The following NTRK3 variants were observed in gnomAD, a reference collection of about 807,000 sequenced individuals.
The protein encoded by NTRK3 is neurotrophic receptor tyrosine kinase 3.
NTRK3 carries 24 observed loss-of-function variants against 91.7 expected under a neutral mutation model. That is an observed-to-expected ratio of 0.26 (90% CI 0.19 to 0.37). The LOEUF is 0.37. NTRK3 is among the 10% of genes least tolerant of loss of function. NTRK3 has a pLI of 1.00. For synonymous variants in NTRK3, 483 were observed against 404.0 expected (o/e 1.20, Z -2.34); for missense variants, 880 against 1,068.9 (o/e 0.82, Z 2.46).
intron 13 of NTRK3, among the ~76,000 whole-genome samples, chr15:88,112,533 C>T (rs1360985897): frequency 1.2e-5 from 1 of 85,586 alleles, no homozygotes; most frequent in Non-Finnish European, 2.3e-5. Context: ...CTGCCTGCCA[C>T]TGCCAGTCTC....
At chr15:87,875,596 C>T (rs559545013) in exon 19 of NTRK3, 139 of 232,556 alleles carry the variant, frequency 6.0e-4, no homozygotes, top group Admixed American at 2.1e-3. Context: ...TCAGCCCCTG[C>T]GTTTTCACAA....
At chr15:88,160,654 G>C (rs1597680337) in intron 5 of NTRK3, among the ~76,000 whole-genome samples, 1 of 152,300 alleles carries the variant, frequency 6.6e-6, no homozygotes, top group East Asian at 1.9e-4. Context: ...CCCTAGGGGT[G>C]TCCAGAAGAC....
At chr15:88,148,130 G>A (rs2043049926) in intron 5 of NTRK3, among the ~76,000 whole-genome samples, 4 of 152,164 alleles carry the variant, frequency 2.6e-5, no homozygotes, top group Admixed American at 2.0e-4. Flanking sequence ...GGGAACAAAT[G>A]GCAGTGCTGA....
chr15:87,863,441 C>G (rs1386805110), exon 19 of NTRK3: 1 of 222,492 alleles, frequency 4.5e-6, no homozygotes, highest in Non-Finnish European at 9.0e-6. Context: ...ATGCGAGAAG[C>G]AAGAAATCCC....
intron 14 of NTRK3, among the ~76,000 whole-genome samples, chr15:87,998,709 C>A (rs901635433): frequency 6.6e-6 from 1 of 152,132 alleles, no homozygotes; most frequent in East Asian, 1.9e-4. Flanking sequence ...ACTTCAATAG[C>A]CATTATGCCA....
chr15:88,111,034 G>A (rs1451028958), intron 13 of NTRK3, among the ~76,000 whole-genome samples: 3 of 152,190 alleles, frequency 2.0e-5, no homozygotes, highest in African/African-American at 7.2e-5. Flanking sequence ...GTAAAGAGAT[G>A]GGGACTGGGC....
At chr15:88,165,467 T>G (rs2044845788) in intron 5 of NTRK3, among the ~76,000 whole-genome samples, 1 of 152,196 alleles carries the variant, frequency 6.6e-6, no homozygotes, top group African/African-American at 2.4e-5. Context: ...AAATAATTAA[T>G]TAACTTGCTA....
chr15:87,972,595 C>G (rs1392771339), intron 14 of NTRK3, among the ~76,000 whole-genome samples: 1 of 152,174 alleles, frequency 6.6e-6, no homozygotes, highest in Non-Finnish European at 1.5e-5. Context: ...AGGCCCCAGT[C>G]CCCACCCATA....
chr15:87,913,862 G>T (rs1233957900), intron 17 of NTRK3, among the ~76,000 whole-genome samples: 1 of 152,154 alleles, frequency 6.6e-6, no homozygotes. Context: ...TGGCTGCATT[G>T]TGCCCTGATT....
chr15:88,079,296 G>A (rs1046789000), intron 13 of NTRK3, among the ~76,000 whole-genome samples: 2 of 152,222 alleles, frequency 1.3e-5, no homozygotes, highest in African/African-American at 4.8e-5. Context: ...CCAGCAGCTA[G>A]CACAGAGCAG....
chr15:88,108,361 A>C (rs1019446943), intron 13 of NTRK3, among the ~76,000 whole-genome samples: 2 of 152,192 alleles, frequency 1.3e-5, no homozygotes, highest in Middle Eastern at 3.2e-3. Context: ...ACACAGCACA[A>C]AAGGAAGTTC....
At position 88,101,482 on chromosome 15, in the gene NTRK3, A is replaced by C. The variant is rs557692089; in HGVS notation, c.1396+24789T>G. 2.0e-3 allele frequency among the ~76,000 whole-genome samples: 300 copies of C among 152,350 alleles called. 4 individuals carry two copies. Among genetic ancestry groups the C allele is most frequent in the Admixed American group, 0.017 (255 of 15,302 alleles). On this transcript the variant is annotated intron_variant, in intron 13 of 18. Transcript: ENST00000394480. ...GGCGATTCCTCAGGAATCTAGAACTAGAAATACCATTTGACCCAGCCATCC... is the reference window on the plus strand; with the variant it reads ...GGCGATTCCTCAGGAATCTAGAACTCGAAATACCATTTGACCCAGCCATCC...
intron 5 of NTRK3, among the ~76,000 whole-genome samples, chr15:88,166,852 T>C (rs556507401): frequency 2.4e-4 from 36 of 152,280 alleles, no homozygotes; most frequent in African/African-American, 8.2e-4. Flanking sequence ...GAAGATGGAT[T>C]ACTGTTGGAA....
At position 88,240,145 on chromosome 15, in the gene NTRK3, G is replaced by C. The variant is rs573810807; in HGVS notation, c.248+15761C>G. ...CCCCTCCCCCACAGGATTGCCCCCA[G>C]AGAAACCCAGGGCTGCTGCATCTGT... On this transcript the variant is annotated intron_variant, in intron 3 of 18. Coordinates refer to ENST00000394480, the Ensembl canonical transcript of NTRK3. This position sits in a 1 kb window ranked among gnomAD's most constrained non-coding sequence, Gnocchi z 4.9. Among the ~76,000 whole-genome samples the C allele has an allele frequency of 1.4e-3, 197 of 142,386 alleles. No individual in the cohort carries two copies. Among genetic ancestry groups the C allele is most frequent in the African/African-American group, 5.0e-3 (185 of 37,228 alleles). The allele number at this position is 142,386 out of a possible 152,430, so 93.4% of individuals were successfully genotyped here. A position where few individuals can be genotyped will look rare whatever the true frequency, so the allele number is the denominator to read the frequency against.
At chr15:87,968,354 T>C (rs2072966553) in intron 14 of NTRK3, among the ~76,000 whole-genome samples, 1 of 152,218 alleles carries the variant, frequency 6.6e-6, no homozygotes, top group South Asian at 2.1e-4. Flanking sequence ...GCAATGGTGC[T>C]AGCCTAACTT....
intron 18 of NTRK3, among the ~76,000 whole-genome samples, chr15:87,877,486 G>A (rs926959447): frequency 2.6e-5 from 4 of 152,068 alleles, no homozygotes; most frequent in African/African-American, 9.7e-5. Flanking sequence ...GTGGACATGG[G>A]CTTCTGACCT....
intron 13 of NTRK3, among the ~76,000 whole-genome samples, chr15:88,056,031 C>T (rs954835267): frequency 6.6e-6 from 1 of 151,862 alleles, no homozygotes; most frequent in African/African-American, 2.4e-5. Flanking sequence ...GACTTGTGGG[C>T]AAACTGGAGA....
chr15:88,196,813 TG>T (rs1159601014), intron 3 of NTRK3, among the ~76,000 whole-genome samples: 1 of 152,206 alleles, frequency 6.6e-6, no homozygotes, highest in East Asian at 1.9e-4. Flanking sequence ...AATTAGAGAT[TG>T]ATTCTAGTTC....
At chr15:88,051,436 G>A (rs1050481868) in intron 13 of NTRK3, among the ~76,000 whole-genome samples, 1 of 152,220 alleles carries the variant, frequency 6.6e-6, no homozygotes, top group African/African-American at 2.4e-5. Flanking sequence ...GCTTAACAGG[G>A]AAGGAAGTTG....
Sources: gnomAD v4.1 joint callset for allele counts (sites outside exome capture counted in the v4.1 genomes callset) on GRCh38, gnomAD v4.1.1 for gene constraint, Gnocchi (gnomAD v3.1) non-coding constraint, MANE v1.5 for transcripts, NCBI Gene and HGNC (gene_info 2026-07-23, HGNC 2026-07-21) for gene names.